Variants in STARD13 observed in about 807,000 individuals in gnomAD.
STARD13 encodes stAR-related lipid transfer protein 13.
STARD13 carries 62 observed loss-of-function variants against 106.4 expected under a neutral mutation model. The observed-to-expected ratio is 0.58, with a 90% CI of 0.48 to 0.72. The LOEUF (loss-of-function observed/expected upper bound fraction) is 0.72, where lower values mean the gene tolerates loss of function less well. Ranked by LOEUF, STARD13 falls within the 30% of genes least tolerant of loss-of-function variation. The probability of loss-of-function intolerance (pLI) is 0.00; values close to 1 mark genes in which losing one functional copy is unlikely to be tolerated. For missense variants in STARD13, 1,387 were observed against 1,424.0 expected (o/e 0.97, Z 0.42); for synonymous variants, 565 against 553.0 (o/e 1.02, Z -0.31).
chr13:33,524,818 A>G, the STARD13 span, among the ~76,000 whole-genome samples: 1 of 152,148 alleles, frequency 6.6e-6, no homozygotes, highest in Admixed American at 6.6e-5. Flanking sequence ...GCTAATTAAC[A>G]TATGCATGAC....
the STARD13 span, among the ~76,000 whole-genome samples, chr13:33,565,078 T>C: frequency 6.8e-6 from 1 of 147,148 alleles, no homozygotes; most frequent in African/African-American, 2.5e-5. Context: ...TTAGTGAAAT[T>C]AGCACAAAAA....
the STARD13 span, among the ~76,000 whole-genome samples, chr13:33,617,754 A>G: frequency 6.6e-6 from 1 of 152,202 alleles, no homozygotes; most frequent in African/African-American, 2.4e-5. Flanking sequence ...AGGACCAAGC[A>G]CTGGTATAGG....
the STARD13 span, chr13:33,524,201 T>G: frequency 8.1e-7 from 1 of 1,227,442 alleles, no homozygotes; most frequent in Non-Finnish European, 1.1e-6. Context: ...GGCAGGACAC[T>G]CACACCAGGG....
At chr13:33,143,271 C>T (rs1275514297) in intron 3 of STARD13, among the ~76,000 whole-genome samples, 3 of 152,316 alleles carry the variant, frequency 2.0e-5, no homozygotes, top group Middle Eastern at 3.4e-3. Flanking sequence ...TCTTTCATTT[C>T]GTTGGGATTA....
the STARD13 span, among the ~76,000 whole-genome samples, chr13:33,544,949 T>TTTTA: frequency 6.1e-4 from 92 of 150,920 alleles, no homozygotes; most frequent in African/African-American, 8.3e-4. Flanking sequence ...AATTTTTTTG[T>TTTTA]TTTATTTATT....
chr13:33,670,662 G>A, the STARD13 span, among the ~76,000 whole-genome samples: 1 of 152,156 alleles, frequency 6.6e-6, no homozygotes, highest in Non-Finnish European at 1.5e-5. Context: ...TACTAAACGT[G>A]CATTTATCCA....
chr13:33,523,993 CG>C, the STARD13 span, among the ~76,000 whole-genome samples: 1 of 152,046 alleles, frequency 6.6e-6, no homozygotes, highest in Non-Finnish European at 1.5e-5. Flanking sequence ...ATGGACTAAC[CG>C]TTTTACCTTC....
intron 1 of STARD13, among the ~76,000 whole-genome samples, chr13:33,221,638 T>A (rs1888360967): frequency 6.6e-6 from 1 of 152,214 alleles, no homozygotes. Flanking sequence ...CATGCAGGAC[T>A]GGCTATAAGA....
the STARD13 span, among the ~76,000 whole-genome samples, chr13:33,507,456 A>T: frequency 1.3e-5 from 2 of 152,208 alleles, no homozygotes; most frequent in African/African-American, 4.8e-5. Flanking sequence ...AGTAAACATT[A>T]TATTAAGGAC....
the STARD13 span, among the ~76,000 whole-genome samples, chr13:33,618,713 G>A: frequency 6.6e-6 from 1 of 151,998 alleles, no homozygotes; most frequent in Non-Finnish European, 1.5e-5. Flanking sequence ...GGGAACTGAG[G>A]TAAGGAAACG....
chr13:33,581,374 G>C, the STARD13 span, among the ~76,000 whole-genome samples: 4 of 152,046 alleles, frequency 2.6e-5, no homozygotes, highest in Non-Finnish European at 2.9e-5. Flanking sequence ...GGTGGAATGA[G>C]TTCCCAGTGG....
At chr13:33,388,187 A>C in the STARD13 span, among the ~76,000 whole-genome samples, 1 of 152,222 alleles carries the variant, frequency 6.6e-6, no homozygotes, top group Non-Finnish European at 1.5e-5. Context: ...GCTGTGGTCC[A>C]CCAAGCCCCA....
the STARD13 span, among the ~76,000 whole-genome samples, chr13:33,658,934 G>A: frequency 2.6e-5 from 4 of 152,106 alleles, no homozygotes; most frequent in Admixed American, 6.5e-5. Flanking sequence ...TCATTACAAC[G>A]CACAGGGGAC....
At chr13:33,188,591 T>C (rs1885976946) in intron 1 of STARD13, among the ~76,000 whole-genome samples, 1 of 152,186 alleles carries the variant, frequency 6.6e-6, no homozygotes, top group South Asian at 2.1e-4. Context: ...ACCATCCAAC[T>C]TTCAATACTC....
the STARD13 span, among the ~76,000 whole-genome samples, chr13:33,621,573 G>A: frequency 3.3e-5 from 5 of 150,472 alleles, no homozygotes; most frequent in Non-Finnish European, 3.0e-5. Context: ...CCAGCTACTC[G>A]GGAGGCTGAG....
chr13:33,326,390 A>G (rs904836080), intron 1 of STARD13, among the ~76,000 whole-genome samples: 1 of 152,152 alleles, frequency 6.6e-6, no homozygotes, highest in African/African-American at 2.4e-5. Context: ...TTGAAATGAA[A>G]TTTTCTTTTA....
intron 1 of STARD13, among the ~76,000 whole-genome samples, chr13:33,197,752 C>T (rs1292976137): frequency 6.6e-6 from 1 of 152,208 alleles, no homozygotes; most frequent in African/African-American, 2.4e-5. Flanking sequence ...GATCCTTTTC[C>T]TGTTCCTCCC....
At chr13:33,403,148 C>T in the STARD13 span, among the ~76,000 whole-genome samples, 4 of 152,210 alleles carry the variant, frequency 2.6e-5, no homozygotes, top group East Asian at 1.9e-4. Flanking sequence ...GTACCTGCCC[C>T]GGCTCCTGTA....
At chr13:33,352,994 A>G (rs17079039), upstream of STARD13, among the ~76,000 whole-genome samples, 947 of 152,184 alleles carry the variant, frequency 6.2e-3, 7 homozygotes, top group African/African-American at 0.022. Flanking sequence ...CTTCCCTCCC[A>G]TCGCAGCGGA....
Sources: gnomAD v4.1 joint callset for allele counts (sites outside exome capture counted in the v4.1 genomes callset) on GRCh38, gnomAD v4.1.1 for gene constraint, MANE v1.5 for transcripts, NCBI Gene and HGNC (gene_info 2026-07-23, HGNC 2026-07-21) for gene names.